The following TTC6 variants were observed in gnomAD, a reference collection of about 807,000 sequenced individuals.
TTC6 encodes the protein tetratricopeptide repeat domain 6, also known as tetratricopeptide repeat protein 6.
A neutral mutation model predicts 210.4 loss-of-function variants in TTC6; 172 were observed. The observed-to-expected ratio is 0.82, with a 90% CI of 0.72 to 0.93. TTC6 has a LOEUF of 0.93. Among genes scored for constraint, TTC6 ranks in the 40% least tolerant of loss-of-function variants. TTC6 has a pLI of 0.00. For missense variants in TTC6, 2,414 were observed against 2,318.1 expected (o/e 1.04, Z -0.85); for synonymous variants, 804 against 819.6 (o/e 0.98, Z 0.32).
intron 3 of TTC6, among the ~76,000 whole-genome samples, chr14:37,692,883 A>C (rs2138628174): frequency 6.6e-6 from 1 of 151,498 alleles, no homozygotes; most frequent in South Asian, 2.1e-4. Context: ...AAATAAATAA[A>C]TAAATAAATA....
At chr14:37,640,008 T>A (rs2139379907) in intron 1 of TTC6, among the ~76,000 whole-genome samples, 1 of 151,842 alleles carries the variant, frequency 6.6e-6, no homozygotes, top group Middle Eastern at 3.4e-3. Context: ...ATATTAGGTC[T>A]TAAGGAAAAT....
chr14:37,664,996 C>T (rs1455378449), intron 1 of TTC6, among the ~76,000 whole-genome samples: 2 of 150,484 alleles, frequency 1.3e-5, no homozygotes, highest in African/African-American at 4.8e-5. Context: ...AGTCAAAAAA[C>T]AACAGTTGCT....
At chr14:37,721,847 C>CATATATACATAT (rs1186369830) in intron 6 of TTC6, among the ~76,000 whole-genome samples, 2 of 117,266 alleles carry the variant, frequency 1.7e-5, no homozygotes, top group African/African-American at 6.4e-5. Flanking sequence ...TGAGTTTCAC[C>CATATATACATAT]ATATATATAT....
intron 21 of TTC6, among the ~76,000 whole-genome samples, chr14:37,805,488 G>C (rs34025516): frequency 0.068 from 10,320 of 151,412 alleles, 521 homozygotes; most frequent in South Asian, 0.13. Context: ...TTACGTTCGT[G>C]GGGTGGACAT....
chr14:37,652,882 T>C (rs1248511978), intron 1 of TTC6, among the ~76,000 whole-genome samples: 1 of 152,228 alleles, frequency 6.6e-6, no homozygotes. Flanking sequence ...ATATTATATT[T>C]AGGTAGATGC....
Position 37,811,036 on chromosome 14 carries a change from A to G in TTC6, c.4570-1278A>G, listed in dbSNP as rs188048423. 1.7e-3 allele frequency among the ~76,000 whole-genome samples: 260 copies of G among 152,320 alleles called. 1 individual carries two copies. Among genetic ancestry groups the G allele is most frequent in the Non-Finnish European group, 3.1e-4 (21 of 68,040 alleles). On this transcript the variant is annotated intron_variant, in intron 24 of 30. Coordinates refer to ENST00000553443, the Ensembl canonical transcript of TTC6. The stretch of plus-strand genomic sequence containing the variant: ...TCTCCAAATCAAGGGGCTAGTAATG[A>G]TAACAGAGGCATGGCACAAATCCAG...
chr14:37,675,287 C>G (rs1456544535), intron 1 of TTC6, among the ~76,000 whole-genome samples: 2 of 152,062 alleles, frequency 1.3e-5, no homozygotes, highest in African/African-American at 2.4e-5. Context: ...ATAGATTTAC[C>G]TATTCTGGAT....
At chr14:37,602,789 C>G (rs1566832334) in intron 1 of TTC6, among the ~76,000 whole-genome samples, 1 of 152,178 alleles carries the variant, frequency 6.6e-6, no homozygotes, top group Admixed American at 6.5e-5. Flanking sequence ...CCTCACCCAC[C>G]TTAGAGACTC....
chr14:37,795,256 T>G lies in TTC6; in HGVS notation c.3709-14T>G. ...ATGTTATTAGGAGCTAAATTTCTGT[T>G]TCTCACTCAACAGTTGCATAAATTG... is the stretch of plus-strand genomic sequence containing the variant. On this transcript the variant is annotated splice_polypyrimidine_tract_variant and intron_variant, in intron 17 of 30. Coordinates refer to ENST00000553443, the Ensembl canonical transcript of TTC6. 6.6e-7 allele frequency: 1 copy of G among 1,520,898 alleles called. No homozygotes were observed. Among genetic ancestry groups the G allele is most frequent in the African/African-American group, 1.4e-5 (1 of 72,554 alleles). The allele number at this position is 1,520,898 out of a possible 1,614,324, so 94.2% of individuals were successfully genotyped here.
At chr14:37,626,188 A>C (rs2095659997) in intron 1 of TTC6, among the ~76,000 whole-genome samples, 1 of 145,950 alleles carries the variant, frequency 6.9e-6, no homozygotes, top group South Asian at 2.3e-4. Flanking sequence ...GAGAAGTAGA[A>C]ATGTTATGAA....
intron 14 of TTC6, among the ~76,000 whole-genome samples, chr14:37,757,508 C>T (rs1476712528): frequency 5.9e-5 from 9 of 152,010 alleles, no homozygotes; most frequent in African/African-American, 1.4e-4. Context: ...CTCCTGACCT[C>T]GTGATCCACC....
exon 5 of TTC6, chr14:37,701,469 G>C: frequency 6.6e-7 from 1 of 1,524,562 alleles, no homozygotes; most frequent in Non-Finnish European, 8.7e-7. Context: ...ACCCTGCTTG[G>C]AAAATTTGGA....
upstream of TTC6, among the ~76,000 whole-genome samples, chr14:37,617,087 GTTGGTC>G (rs2095644059): frequency 2.0e-5 from 3 of 151,990 alleles, no homozygotes; most frequent in South Asian, 6.2e-4. Context: ...TGTTGCCTTC[GTTGGTC>G]TTGAACTCCT....
At chr14:37,770,613 C>G (rs1406327212) in intron 14 of TTC6, among the ~76,000 whole-genome samples, 1 of 152,084 alleles carries the variant, frequency 6.6e-6, no homozygotes, top group South Asian at 2.1e-4. Context: ...TTATCAGAGA[C>G]TAGGATTGCA....
At chr14:37,821,211 G>A (rs1357006361) in intron 26 of TTC6, among the ~76,000 whole-genome samples, 1 of 151,936 alleles carries the variant, frequency 6.6e-6, no homozygotes, top group Non-Finnish European at 1.5e-5. Flanking sequence ...GGGACTACAG[G>A]TGCATACTAC....
Position 37,641,980 on chromosome 14 carries a change from A to G in TTC6, c.939+18977A>G, listed in dbSNP as rs76811278. Among the ~76,000 whole-genome samples the G allele has an allele frequency of 8.7e-3, 1,327 of 152,288 alleles. 36 individuals are homozygous for G. Among genetic ancestry groups the G allele is most frequent in the Non-Finnish European group, 0.012 (837 of 68,006 alleles). On this transcript the variant is annotated intron_variant, in intron 1 of 30. Transcript: ENST00000553443. ...CCAGTCCAGAACTGTTTTTATTCGG[A>G]TTGCATCAGATGTATTACATACATG...
chr14:37,622,117 T>G (rs539211801), exon 1 of TTC6: 1 of 1,535,330 alleles, frequency 6.5e-7, no homozygotes, highest in Non-Finnish European at 8.7e-7. Flanking sequence ...GAATCGTATA[T>G]GTTTAAAGAG....
chr14:37,788,193 T>C lies in TTC6; in HGVS notation c.3436+556T>C, dbSNP rs115437309. ...CTAAAAATGGCCATTTCTGTGTTAC[T>C]CTCAATCAGCACACTCCTGGTTTAT... On this transcript the variant is annotated intron_variant, in intron 15 of 30. Transcript: ENST00000553443. Among the ~76,000 whole-genome samples, 912 of 152,256 alleles carry C rather than the reference T, an allele frequency of 6.0e-3. 6 individuals carry two copies. The highest frequency in any genetic ancestry group is 0.02 in the African/African-American group (837 of 41,536).
rs756672068 is a variant in TTC6, at chr14:37,813,137, G to A, written c.4689+704G>A. 5.9e-5 allele frequency among the ~76,000 whole-genome samples: 9 copies of A among 152,048 alleles called. No homozygotes were observed. In the South Asian group the frequency reaches 8.3e-4, roughly 14 times the overall value. On this transcript the variant is annotated intron_variant, in intron 25 of 30. Transcript: ENST00000553443. ...CTGAGGAACTGCAACGTAACATTAT[G>A]GAGTGGAGTGCATCCTGTTCTTTTC... is the stretch of plus-strand genomic sequence containing the variant.
Sources: gnomAD v4.1 joint callset for allele counts (sites outside exome capture counted in the v4.1 genomes callset) on GRCh38, gnomAD v4.1.1 for gene constraint, MANE v1.5 for transcripts, NCBI Gene and HGNC (gene_info 2026-07-23, HGNC 2026-07-21) for gene names.